MYO5B: variants seen among roughly 807,000 people sequenced by gnomAD.
The protein encoded by MYO5B is myosin VB.
Under a neutral mutation model 229.3 loss-of-function variants are expected in MYO5B, and 143 were observed. That is an observed-to-expected ratio of 0.62 (90% CI 0.54 to 0.72). The LOEUF (loss-of-function observed/expected upper bound fraction) is 0.72, where lower values mean the gene tolerates loss of function less well. MYO5B is among the 30% of genes least tolerant of loss of function. The pLI is 0.00. For missense variants in MYO5B, 2,321 were observed against 2,331.0 expected (o/e 1.00, Z 0.09); for synonymous variants, 918 against 885.2 (o/e 1.04, Z -0.66).
At chr18:49,872,846 T>C (rs1265228197) in intron 26 of MYO5B, among the ~76,000 whole-genome samples, 1 of 152,216 alleles carries the variant, frequency 6.6e-6, no homozygotes, top group Non-Finnish European at 1.5e-5. Context: ...CCTCCAGAAC[T>C]CTGAGAGAAT....
At chr18:49,964,182 C>A (rs759278485) in intron 10 of MYO5B, among the ~76,000 whole-genome samples, 60 of 152,222 alleles carry the variant, frequency 3.9e-4, no homozygotes, top group Admixed American at 1.0e-3. Context: ...AGTAAATTAA[C>A]TCCTGGAAAG....
chr18:49,968,359 A>T (rs11082794), intron 10 of MYO5B, among the ~76,000 whole-genome samples: 113,789 of 150,008 alleles, frequency 0.76, 46,657 homozygotes, highest in South Asian at 0.93. Flanking sequence ...TCAAAATTAC[A>T]AAGTTTTTCA....
intron 1 of MYO5B, among the ~76,000 whole-genome samples, chr18:50,141,583 C>T (rs2032418516): frequency 6.6e-6 from 1 of 152,208 alleles, no homozygotes; most frequent in South Asian, 2.1e-4. Context: ...TGCCCTGCAT[C>T]AATCTTTCTG....
chr18:50,111,767 T>C (rs927610973), intron 1 of MYO5B, among the ~76,000 whole-genome samples: 1 of 152,234 alleles, frequency 6.6e-6, no homozygotes, highest in African/African-American at 2.4e-5. Context: ...TAACTGAACA[T>C]TGGGACTGGA....
chr18:50,040,920 T>C (rs753038076), intron 2 of MYO5B, among the ~76,000 whole-genome samples: 2 of 152,192 alleles, frequency 1.3e-5, no homozygotes, highest in African/African-American at 4.8e-5. Context: ...TGCGAGGTGT[T>C]ATCCTTGTAT....
intron 33 of MYO5B, 117 bp from the exon 34 acceptor site, chr18:49,843,509 T>G (rs1308397019): frequency 1.5e-6 from 2 of 1,305,374 alleles, no homozygotes; most frequent in African/African-American, 1.5e-5. Flanking sequence ...CATCTAGGAA[T>G]AGATGTCTCA....
Position 49,992,410 on chromosome 18 carries a change from T to C in MYO5B, c.634A>G (p.Thr212Ala), listed in dbSNP as rs1598936782. ...IMEAIGNAKT[T>A]RNDNSSRFGK... ...AAACGGCTGCTGTTGTCATTGCGGGTGGTCTTGGCATTTCCAATGGCCTGC... is the reference window on the plus strand; with the variant it reads ...AAACGGCTGCTGTTGTCATTGCGGGCGGTCTTGGCATTTCCAATGGCCTGC... The change falls in exon 6 of 40, where the codon ACC becomes GCC. Residue 212 changes from threonine (T) to alanine (A), a missense_variant. Thr to Ala is a moderately conservative substitution (Grantham distance 58, BLOSUM62 0). Around this residue, in one of 2 missense-constraint regions of MYO5B, gnomAD observed 2,113 missense variants for 2,044.7 expected, o/e 1.03. Transcript: ENST00000285039. The C allele has an allele frequency of 6.2e-7, 1 of 1,614,076 alleles. No individual in the cohort carries two copies. The highest frequency in any genetic ancestry group is 8.5e-7 in the Non-Finnish European group (1 of 1,179,996).
At chr18:50,104,356 A>C (rs116110587) in intron 1 of MYO5B, among the ~76,000 whole-genome samples, 1,590 of 150,872 alleles carry the variant, frequency 0.011, 24 homozygotes, top group African/African-American at 0.037. Flanking sequence ...AATTCAAAAA[A>C]ATTTACCAAT....
intron 3 of MYO5B, among the ~76,000 whole-genome samples, chr18:50,037,413 G>C (rs1446113066): frequency 2.0e-5 from 3 of 152,114 alleles, no homozygotes; most frequent in Non-Finnish European, 4.4e-5. Flanking sequence ...TTGTATATTG[G>C]TTATCTTAAC....
At chr18:50,021,607 G>C (rs1403439738) in intron 4 of MYO5B, among the ~76,000 whole-genome samples, 2 of 151,882 alleles carry the variant, frequency 1.3e-5, no homozygotes, top group African/African-American at 4.8e-5. Context: ...CTGTCTGATG[G>C]GAGGCCATTC....
At chr18:49,942,275 G>A (rs1301529436) in intron 14 of MYO5B, among the ~76,000 whole-genome samples, 1 of 150,780 alleles carries the variant, frequency 6.6e-6, no homozygotes, top group Non-Finnish European at 1.5e-5. Context: ...ACATAGGCAT[G>A]GGCAAGGACT....
At chr18:50,044,259 A>C (rs1341665484) in intron 2 of MYO5B, among the ~76,000 whole-genome samples, 1 of 152,026 alleles carries the variant, frequency 6.6e-6, no homozygotes, top group Admixed American at 6.6e-5. Context: ...GAGACTTGAG[A>C]GCAGATTTTT....
At chr18:50,184,855 A>G (rs548853777) in intron 1 of MYO5B, among the ~76,000 whole-genome samples, 16 of 150,438 alleles carry the variant, frequency 1.1e-4, no homozygotes, top group African/African-American at 3.7e-4. Context: ...CATGAGCAAC[A>G]TGGTGAGACC....
intron 1 of MYO5B, among the ~76,000 whole-genome samples, chr18:50,165,500 G>C (rs1322150662): frequency 1.3e-5 from 2 of 151,890 alleles, no homozygotes; most frequent in African/African-American, 2.4e-5. Context: ...GAAAGGCCAG[G>C]CACAGTGGCT....
intron 2 of MYO5B, among the ~76,000 whole-genome samples, chr18:50,047,319 A>G (rs1193541157): frequency 6.6e-6 from 1 of 152,230 alleles, no homozygotes; most frequent in East Asian, 1.9e-4. Context: ...CATTTATGCA[A>G]CCAAAAAACA....
chr18:49,922,198 A>T lies in MYO5B; in HGVS notation c.2090+7314T>A, dbSNP rs576965188. 5.9e-5 allele frequency among the ~76,000 whole-genome samples: 9 copies of T among 152,340 alleles called. No homozygotes were observed. In the South Asian group the frequency reaches 1.7e-3, roughly 28 times the overall value. On this transcript the variant is annotated intron_variant, in intron 17 of 39. Coordinates refer to ENST00000285039, the MANE Select transcript of MYO5B (RefSeq NM_001080467.3). ...CACTTGTATATTTCCTTCAGTAGCT[A>T]ACACCTTGTTGGGCAGACAGTATCC...
At chr18:50,058,023 G>A (rs1468388491) in intron 1 of MYO5B, among the ~76,000 whole-genome samples, 5 of 152,022 alleles carry the variant, frequency 3.3e-5, no homozygotes, top group Admixed American at 3.3e-4. Flanking sequence ...AAGAATGGTT[G>A]AAAAAAGCTC....
chr18:49,906,648 G>A lies in MYO5B; in HGVS notation c.2203-18C>T. Reference sequence around the variant, plus strand: ...TCGGGGTCCTTTACAAGGTAGGGAGGGGATCTGGTTGGTCACCAGTGAGCA... The same window carrying A: ...TCGGGGTCCTTTACAAGGTAGGGAGAGGATCTGGTTGGTCACCAGTGAGCA... On this transcript the variant is annotated intron_variant, in intron 18 of 39. Coordinates refer to ENST00000285039, the MANE Select transcript of MYO5B (RefSeq NM_001080467.3). The A allele has an allele frequency of 1.2e-6, 2 of 1,606,352 alleles. No individual in the cohort carries two copies. The highest frequency in any genetic ancestry group is 1.7e-6 in the Non-Finnish European group (2 of 1,173,260).
Position 50,135,589 on chromosome 18 carries a change from A to G in MYO5B, c.27+59178T>C, listed in dbSNP as rs1342971225. Among the ~76,000 whole-genome samples the G allele has an allele frequency of 2.0e-5, 3 of 152,208 alleles. No individual in the cohort carries two copies. In the South Asian group the frequency reaches 6.2e-4, roughly 32 times the overall value. On this transcript the variant is annotated intron_variant, in intron 1 of 39. Transcript: ENST00000285039. The stretch of plus-strand genomic sequence containing the variant: ...TCTGGTTGAAAGGGCTAAGTATTCA[A>G]TCTAGATAAATCATTCCCAGAGAGA...
Sources: gnomAD v4.1 joint callset for allele counts (sites outside exome capture counted in the v4.1 genomes callset) on GRCh38, gnomAD v4.1.1 for gene constraint, gnomAD v4.1.1 regional missense constraint, MANE v1.5 for transcripts, NCBI Gene and HGNC (gene_info 2026-07-23, HGNC 2026-07-21) for gene names.